PCDH11X: variants seen among roughly 807,000 people sequenced by gnomAD.
The protein encoded by PCDH11X is protocadherin-11 X-linked.
A neutral mutation model predicts 53.3 loss-of-function variants in PCDH11X; 18 were observed. That is an observed-to-expected ratio of 0.34 (90% CI 0.23 to 0.50). PCDH11X has a LOEUF of 0.50. PCDH11X is among the 20% of genes least tolerant of loss of function. The pLI is 0.98. For missense variants in PCDH11X, 570 were observed against 1,032.4 expected, an observed-to-expected ratio of 0.55 and a Z score of 6.14; for synonymous variants, 279 against 393.3, an observed-to-expected ratio of 0.71 and a Z score of 3.44.
In PCDH11X at chrX:92,413,576, A is replaced by G. The variant is rs189123075; in HGVS notation, c.3343+25643A>G. Among the ~76,000 whole-genome samples the G allele has an allele frequency of 9.1e-3, 880 of 96,602 alleles. 18 individuals are homozygous for G. The highest frequency in any genetic ancestry group is 0.036 in the African/African-American group (839 of 22,997). 83.9% of individuals were successfully genotyped at this position (96,602 alleles called of 115,157 possible). ...ATGGCTCCTCAACTCATAGTCTCTC[A>G]ATACTATGATAATGTCAACTGAAGA... On this transcript the variant is annotated intron_variant, in intron 9 of 10. Transcript: ENST00000682573.
At chrX:92,109,297 C>A (rs1008559315) in intron 6 of PCDH11X, among the ~76,000 whole-genome samples, 2 of 110,393 alleles carry the variant, frequency 1.8e-5, no homozygotes, top group African/African-American at 6.6e-5. Context: ...CTGGTTGAGT[C>A]CAGGAGACGG....
At chrX:92,537,332 G>A (rs2074679095) in intron 10 of PCDH11X, among the ~76,000 whole-genome samples, 1 of 107,377 alleles carries the variant, frequency 9.3e-6, no homozygotes, top group African/African-American at 3.4e-5. Context: ...TACAATGAAA[G>A]CTATAAAATC....
intron 8 of PCDH11X, among the ~76,000 whole-genome samples, chrX:92,279,101 A>G (rs1003067089): frequency 1.8e-5 from 2 of 111,620 alleles, no homozygotes; most frequent in African/African-American, 3.3e-5. Flanking sequence ...GTAAGCCACC[A>G]TGCCCAGCCT....
intron 1 of PCDH11X, among the ~76,000 whole-genome samples, chrX:91,806,241 G>A (rs1389712064): frequency 1.8e-5 from 2 of 113,924 alleles, no homozygotes; most frequent in Non-Finnish European, 3.7e-5. Flanking sequence ...GAAAGTGAAG[G>A]AATGTCTTGT....
chrX:92,557,298 T>C (rs1206342038), intron 10 of PCDH11X, among the ~76,000 whole-genome samples: 1 of 111,535 alleles, frequency 9.0e-6, no homozygotes, highest in Non-Finnish European at 1.9e-5. Context: ...CTCCTTTCTA[T>C]TGCATCATGA....
intron 6 of PCDH11X, among the ~76,000 whole-genome samples, chrX:92,043,735 C>T (rs953075446): frequency 2.8e-5 from 3 of 107,885 alleles, no homozygotes; most frequent in Admixed American, 1.0e-4. Context: ...CGCCAGTGTA[C>T]GATCATATAC....
At chrX:91,916,898 A>T (rs1941582834) in intron 6 of PCDH11X, among the ~76,000 whole-genome samples, 1 of 110,658 alleles carries the variant, frequency 9.0e-6, no homozygotes, top group African/African-American at 3.3e-5. Flanking sequence ...ATGAACATAG[A>T]TGCAAAAATC....
intron 6 of PCDH11X, among the ~76,000 whole-genome samples, chrX:91,978,977 G>A (rs1267604849): frequency 1.8e-5 from 2 of 111,431 alleles, no homozygotes; most frequent in African/African-American, 6.5e-5. Flanking sequence ...TTGTATATGA[G>A]CCTTCCACAA....
intron 6 of PCDH11X, among the ~76,000 whole-genome samples, chrX:92,081,374 G>T (rs2063853988): frequency 9.1e-6 from 1 of 110,180 alleles, no homozygotes; most frequent in African/African-American, 3.3e-5. Context: ...CTCATGCACA[G>T]CTGTACATGT....
At chrX:92,573,034 C>T (rs768051885) in intron 10 of PCDH11X, among the ~76,000 whole-genome samples, 2 of 111,103 alleles carry the variant, frequency 1.8e-5, no homozygotes, top group South Asian at 7.7e-4. Context: ...ATTCTACCTT[C>T]TGAATATGAA....
At chrX:92,202,721 G>A (rs1418002809) in intron 7 of PCDH11X, among the ~76,000 whole-genome samples, 2 of 108,919 alleles carry the variant, frequency 1.8e-5, no homozygotes, top group African/African-American at 6.9e-5. Context: ...ATTTTAAGAG[G>A]ACTTAAAAAA....
intron 7 of PCDH11X, among the ~76,000 whole-genome samples, chrX:92,232,964 C>G (rs62600691): frequency 0.057 from 6,379 of 111,488 alleles, 240 homozygotes; most frequent in East Asian, 0.22. Flanking sequence ...ATCCGCCCAC[C>G]GCGGCCTCCC....
At chrX:91,860,971 T>G (rs1156806199) in intron 5 of PCDH11X, among the ~76,000 whole-genome samples, 1 of 111,658 alleles carries the variant, frequency 9.0e-6, no homozygotes, top group Admixed American at 9.5e-5. Context: ...GGTTTTGGTA[T>G]AAGAATGATG....
In PCDH11X at chrX:92,582,192, G is replaced by T. The variant is rs1391230923; in HGVS notation, c.3368-36072G>T. Among the ~76,000 whole-genome samples the T allele has an allele frequency of 1.8e-4, 16 of 87,642 alleles. 1 individual carries two copies. The highest frequency in any genetic ancestry group is 7.1e-4 in the African/African-American group (15 of 21,133). 76.1% of individuals were successfully genotyped at this position (87,642 alleles called of 115,157 possible). On this transcript the variant is annotated intron_variant, in intron 10 of 10. Coordinates refer to ENST00000682573, the MANE Select transcript of PCDH11X (RefSeq NM_032968.5). Reference sequence around the variant, plus strand: ...CAGAAATCTGCATAAGTAACCAGGAGCCAAATGTTAATCCCCAAGACAACA... The same window carrying T: ...CAGAAATCTGCATAAGTAACCAGGATCCAAATGTTAATCCCCAAGACAACA...
intron 8 of PCDH11X, among the ~76,000 whole-genome samples, chrX:92,318,409 TAGTC>T (rs1454685434): frequency 9.0e-6 from 1 of 111,469 alleles, no homozygotes; most frequent in African/African-American, 3.3e-5. Flanking sequence ...AAAATAGAAA[TAGTC>T]AGTAGGAAGC....
intron 7 of PCDH11X, among the ~76,000 whole-genome samples, chrX:92,212,006 C>CT (rs56939635): frequency 0.068 from 4,372 of 64,392 alleles, 484 homozygotes; most frequent in East Asian, 0.44. Flanking sequence ...ACTTGCAATG[C>CT]TTTTTTTTTT....
At chrX:92,461,175 G>A (rs901494922) in intron 9 of PCDH11X, among the ~76,000 whole-genome samples, 6 of 109,717 alleles carry the variant, frequency 5.5e-5, no homozygotes, top group Non-Finnish European at 7.6e-5. Context: ...TCAAAACACC[G>A]ATGACATTCT....
intron 5 of PCDH11X, among the ~76,000 whole-genome samples, chrX:91,872,423 T>A (rs1194472524): frequency 9.0e-6 from 1 of 110,783 alleles, no homozygotes; most frequent in Non-Finnish European, 1.9e-5. Flanking sequence ...TCTTTTATCT[T>A]TTAAAATAAG....
intron 6 of PCDH11X, among the ~76,000 whole-genome samples, chrX:92,071,994 C>T (rs1471102058): frequency 9.0e-6 from 1 of 110,935 alleles, no homozygotes; most frequent in East Asian, 2.9e-4. Flanking sequence ...CTAAGCTTGC[C>T]CTCAAACCAC....
Sources: gnomAD v4.1 joint callset for allele counts (sites outside exome capture counted in the v4.1 genomes callset) on GRCh38, gnomAD v4.1.1 for gene constraint, MANE v1.5 for transcripts, NCBI Gene and HGNC (gene_info 2026-07-23, HGNC 2026-07-21) for gene names.